The following UGT1A5 variants were observed in gnomAD, a reference collection of about 807,000 sequenced individuals.
UGT1A5 encodes UDP glucuronosyltransferase family 1 member A5.
UGT1A5 carries 29 observed loss-of-function variants against 40.3 expected under a neutral mutation model. The observed-to-expected ratio is 0.72, with a 90% CI of 0.54 to 0.98. The LOEUF is 0.98. UGT1A5 is among the 50% of genes least tolerant of loss of function. The probability of loss-of-function intolerance (pLI) is 0.00; values close to 1 mark genes in which losing one functional copy is unlikely to be tolerated. For synonymous variants in UGT1A5, 257 were observed against 262.5 expected (o/e 0.98, Z 0.20); for missense variants, 678 against 677.9 (o/e 1.00, Z 0.00).
intron 1 of UGT1A5, among the ~76,000 whole-genome samples, chr2:233,731,737 A>G (rs2078198933): frequency 6.6e-6 from 1 of 152,224 alleles, no homozygotes; most frequent in African/African-American, 2.4e-5. Context: ...TAGTGCCACA[A>G]TAAACATACG....
At chr2:233,744,071 C>T (rs17864701) in intron 1 of UGT1A5, 146,390 of 490,018 alleles carry the variant, frequency 0.3, 23,171 homozygotes, top group South Asian at 0.39. Context: ...CTATGAGCGC[C>T]TCGCATCCCA....
At chr2:233,747,246 G>T in intron 1 of UGT1A5, 1 of 1,601,988 alleles carries the variant, frequency 6.2e-7, no homozygotes, top group Non-Finnish European at 8.5e-7. Flanking sequence ...CCCTGCTGTG[G>T]CTGGCCACAG....
intron 1 of UGT1A5, among the ~76,000 whole-genome samples, chr2:233,737,637 G>T (rs1475956364): frequency 6.6e-6 from 1 of 152,182 alleles, no homozygotes; most frequent in Non-Finnish European, 1.5e-5. Context: ...CATCTTCTGC[G>T]TCGATCATGC....
chr2:233,745,199 G>C (rs1446932556), intron 1 of UGT1A5, among the ~76,000 whole-genome samples: 2 of 151,776 alleles, frequency 1.3e-5, no homozygotes, highest in Non-Finnish European at 2.9e-5. Context: ...AAAACAACCA[G>C]GGAGATCCTC....
Position 233,772,682 on chromosome 2 carries a change from G to T in UGT1A5, c.*123G>T. 2.0e-6 allele frequency: 3 copies of T among 1,494,758 alleles called. No individual in the cohort carries two copies. Among genetic ancestry groups the T allele is most frequent in the East Asian group, 2.5e-5 (1 of 40,656 alleles). 92.6% of individuals were successfully genotyped at this position (1,494,758 alleles called of 1,614,324 possible). A position where few individuals can be genotyped will look rare whatever the true frequency, so the allele number is the denominator to read the frequency against. ...GGAAATACTTTGCATAAATTAATCA[G>T]CCCCAGAGTGCTTTAAAAAATTCTC... On this transcript the variant is annotated 3_prime_UTR_variant, in exon 5 of 5. Coordinates refer to ENST00000373414, the MANE Select transcript of UGT1A5 (RefSeq NM_019078.2).
Position 233,729,591 on chromosome 2 carries a change from C to T in UGT1A5, c.867+15733C>T, listed in dbSNP as rs142676251. Reference sequence around the variant, plus strand: ...ATGTGGTTTTAACAGACCCCGTTAACCTCTGCGCGGCAGTGCTGGCTAAGT... The same window carrying T: ...ATGTGGTTTTAACAGACCCCGTTAATCTCTGCGCGGCAGTGCTGGCTAAGT... On this transcript the variant is annotated intron_variant, in intron 1 of 4. Coordinates refer to ENST00000373414, the MANE Select transcript of UGT1A5 (RefSeq NM_019078.2). 633 of 1,613,962 alleles carry T rather than the reference C, an allele frequency of 3.9e-4. 1 individual carries two copies. Among genetic ancestry groups the T allele is most frequent in the Non-Finnish European group, 5.0e-4 (593 of 1,179,978 alleles).
chr2:233,772,537 C>T lies in UGT1A5; in HGVS notation c.1583C>T (p.Ala528Val). 1 of 1,614,090 alleles carries T rather than the reference C, an allele frequency of 6.2e-7. No individual in the cohort carries two copies. Among genetic ancestry groups the T allele is most frequent in the South Asian group, 1.1e-5 (1 of 91,078 alleles). ...GGGAAAAAAGGGCGAGTTAAGAAAG[C>T]CCACAAATCCAAGACCCATTGAGAA... ...CLGKKGRVKK[A>V]HKSKTH Residue 528 changes from alanine to valine, a missense_variant, in exon 5 of 5, where the codon GCC becomes GTC. Ala to Val is a moderately conservative substitution (Grantham distance 64, BLOSUM62 0). Transcript: ENST00000373414.
intron 1 of UGT1A5, among the ~76,000 whole-genome samples, chr2:233,724,126 A>ACCTC: frequency 1.1e-5 from 1 of 94,706 alleles, no homozygotes. Flanking sequence ...GGCGCCCCTC[A>ACCTC]CCTCCCGGAC....
chr2:233,719,021 G>A (rs751307422), intron 1 of UGT1A5: 3 of 1,614,262 alleles, frequency 1.9e-6, no homozygotes, highest in Non-Finnish European at 2.5e-6. Context: ...AGGTGAATAT[G>A]CACATCAAAG....
At chr2:233,764,546 TGGGA>T (rs1045982534) in intron 1 of UGT1A5, among the ~76,000 whole-genome samples, 5 of 152,234 alleles carry the variant, frequency 3.3e-5, no homozygotes, top group African/African-American at 1.2e-4. Context: ...AGTGGGCGTG[TGGGA>T]GGGTGTGCCT....
intron 1 of UGT1A5, chr2:233,743,960 G>A (rs745723342): frequency 3.1e-5 from 42 of 1,334,096 alleles, no homozygotes; most frequent in South Asian, 3.6e-5. Flanking sequence ...CACAGCGAGC[G>A]GCAAGGCTGC....
chr2:233,765,271 A>T (rs1304943144), intron 1 of UGT1A5, among the ~76,000 whole-genome samples: 1 of 152,224 alleles, frequency 6.6e-6, no homozygotes, highest in Admixed American at 6.5e-5. Flanking sequence ...TACCCAAAGA[A>T]ATATAAATTA....
intron 1 of UGT1A5, among the ~76,000 whole-genome samples, chr2:233,726,972 A>C (rs1406069474): frequency 6.6e-6 from 1 of 152,130 alleles, no homozygotes; most frequent in Admixed American, 6.5e-5. Flanking sequence ...CAAAAGTTTT[A>C]GATTTTGATG....
rs4148323 is a variant in UGT1A5, at chr2:233,760,498, G to A, written c.868-6536G>A. The A allele has an allele frequency of 9.2e-3, 14,886 of 1,614,236 alleles. 811 individuals carry two copies. The East Asian group carries it at 0.16, about 18-fold the overall frequency. On this transcript the variant is annotated intron_variant, in intron 1 of 4. Coordinates refer to ENST00000373414, the MANE Select transcript of UGT1A5 (RefSeq NM_019078.2). Reference sequence around the variant, plus strand: ...TGACGCCTCGTTGTACATCAGAGACGGAGCATTTTACACCTTGAAGACGTA... The same window carrying A: ...TGACGCCTCGTTGTACATCAGAGACAGAGCATTTTACACCTTGAAGACGTA...
At chr2:233,766,958 T>C in intron 1 of UGT1A5, 76 bp from the exon 2 acceptor site, 1 of 1,605,414 alleles carries the variant, frequency 6.2e-7, no homozygotes, top group Non-Finnish European at 8.5e-7. Context: ...GGAAGATATC[T>C]AATTCATAAC....
At position 233,744,183 on chromosome 2, in the gene UGT1A5, A is replaced by G. The variant is rs1026910418; in HGVS notation, c.868-22851A>G. 8.6e-5 allele frequency among the ~76,000 whole-genome samples: 13 copies of G among 151,842 alleles called. 1 individual carries two copies. The highest frequency in any genetic ancestry group is 2.7e-4 in the African/African-American group (11 of 41,106). On this transcript the variant is annotated intron_variant, in intron 1 of 4. Transcript: ENST00000373414. Reference sequence around the variant, plus strand: ...CGCCCACTCCGGCCTCCAACCAGCCATGGTCTCCAAAAAGGATGGGAAAAA... The same window carrying G: ...CGCCCACTCCGGCCTCCAACCAGCCGTGGTCTCCAAAAAGGATGGGAAAAA...
At chr2:233,756,673 G>C (rs542273174) in intron 1 of UGT1A5, among the ~76,000 whole-genome samples, 32 of 152,264 alleles carry the variant, frequency 2.1e-4, no homozygotes, top group South Asian at 1.0e-3. Context: ...ATTTCCGCTA[G>C]AACTGCTATA....
At chr2:233,759,555 T>TC (rs1410199038) in intron 1 of UGT1A5, among the ~76,000 whole-genome samples, 12 of 152,242 alleles carry the variant, frequency 7.9e-5, no homozygotes, top group Middle Eastern at 6.8e-3. Context: ...CCAGTGAATT[T>TC]CCCTTTCTGG....
intron 1 of UGT1A5, chr2:233,718,637 T>C (rs2125661399): frequency 6.9e-7 from 1 of 1,451,650 alleles, no homozygotes; most frequent in Non-Finnish European, 9.3e-7. Context: ...TTTCCCAGGG[T>C]TGGGCCCATA....
Sources: allele counts gnomAD v4.1 joint callset (sites outside exome capture counted in the v4.1 genomes callset), GRCh38; gene constraint gnomAD v4.1.1; transcripts MANE v1.5; gene names NCBI Gene and HGNC (gene_info 2026-07-23, HGNC 2026-07-21).